The following ADK variants were observed in gnomAD, a reference collection of about 807,000 sequenced individuals.
ADK encodes the protein N6,N6-dimethyladenosine kinase.
Under a neutral mutation model 44.7 loss-of-function variants are expected in ADK, and 24 were observed. The ratio of observed to expected loss-of-function variants is 0.54; its 90% CI spans 0.39 to 0.76. ADK has a LOEUF of 0.76. Ranked by LOEUF, ADK falls within the 30% of genes least tolerant of loss-of-function variation. The pLI is 0.00. For synonymous variants in ADK, 128 were observed against 142.6 expected (o/e 0.90, Z 0.73); for missense variants, 321 against 425.1 (o/e 0.76, Z 2.15).
chr10:74,220,118 A>G (rs1844241902), intron 2 of ADK, among the ~76,000 whole-genome samples: 1 of 152,086 alleles, frequency 6.6e-6, no homozygotes, highest in Non-Finnish European at 1.5e-5. Flanking sequence ...TTGATAGACC[A>G]CTAGCAAGAC....
chr10:74,168,664 G>A (rs1394163985), intron 1 of ADK, among the ~76,000 whole-genome samples: 1 of 151,504 alleles, frequency 6.6e-6, no homozygotes, highest in Admixed American at 6.6e-5. Context: ...CCAGGCTGTA[G>A]TGCAGTGGCA....
chr10:74,575,558 C>G (rs535417591), intron 7 of ADK, among the ~76,000 whole-genome samples: 1 of 151,936 alleles, frequency 6.6e-6, no homozygotes, highest in South Asian at 2.1e-4. Flanking sequence ...CCTACATGTG[C>G]GAGGCAGCAT....
Position 74,314,626 on chromosome 10 carries a change from C to T in ADK, c.195-41C>T, listed in dbSNP as rs561133949. ...GAAAAGTTTACTTTGTTGCAACTCACAGAAGGTAACTTACTTTTTTCTACT... is the reference window on the plus strand; with the variant it reads ...GAAAAGTTTACTTTGTTGCAACTCATAGAAGGTAACTTACTTTTTTCTACT... On this transcript the variant is annotated intron_variant, in intron 3 of 10. Coordinates refer to ENST00000539909, the MANE Select transcript of ADK (RefSeq NM_006721.4). 675 of 1,397,344 alleles carry T rather than the reference C, an allele frequency of 4.8e-4. 7 individuals are homozygous for T. In the South Asian group the frequency reaches 7.5e-3, roughly 16 times the overall value. 86.6% of individuals were successfully genotyped at this position (1,397,344 alleles called of 1,614,324 possible).
intron 4 of ADK, among the ~76,000 whole-genome samples, chr10:74,364,633 T>TA (rs1842440390): frequency 6.6e-6 from 1 of 151,784 alleles, no homozygotes; most frequent in South Asian, 2.1e-4. Flanking sequence ...TTCCTACTCT[T>TA]ACAGCTCTTC....
intron 6 of ADK, among the ~76,000 whole-genome samples, chr10:74,410,636 G>A (rs909947742): frequency 3.9e-5 from 6 of 152,028 alleles, no homozygotes; most frequent in African/African-American, 9.7e-5. Flanking sequence ...AGCCAAGATC[G>A]CGCCACTACA....
intron 6 of ADK, among the ~76,000 whole-genome samples, chr10:74,404,300 A>T (rs1407755974): frequency 6.6e-6 from 1 of 152,078 alleles, no homozygotes; most frequent in African/African-American, 2.4e-5. Context: ...AAATTGTCAA[A>T]TATATATTTT....
At chr10:74,493,424 G>T (rs1847560033) in intron 6 of ADK, among the ~76,000 whole-genome samples, 1 of 147,232 alleles carries the variant, frequency 6.8e-6, no homozygotes, top group South Asian at 2.1e-4. Flanking sequence ...TACATATATA[G>T]ACCTCATCTA....
At chr10:74,392,753 TA>T (rs1843379591) in intron 4 of ADK, among the ~76,000 whole-genome samples, 1 of 48,060 alleles carries the variant, frequency 2.1e-5, no homozygotes. Flanking sequence ...GAAAATAATA[TA>T]TATTATTAAG....
At chr10:74,513,596 A>G (rs920262762) in intron 6 of ADK, among the ~76,000 whole-genome samples, 3 of 152,062 alleles carry the variant, frequency 2.0e-5, no homozygotes, top group African/African-American at 7.2e-5. Flanking sequence ...TATTTTTTCC[A>G]TCCACTTCCA....
rs556000380 is a variant in ADK at position 74,238,763 on chromosome 10, G to GAAAA, written c.194+14175_194+14176insAAAA. Among the ~76,000 whole-genome samples the GAAAA allele has an allele frequency of 2.4e-3, 319 of 134,218 alleles. 5 individuals are homozygous for GAAAA. Among genetic ancestry groups the GAAAA allele is most frequent in the Admixed American group, 0.023 (314 of 13,514 alleles). 88.1% of individuals were successfully genotyped at this position (134,218 alleles called of 152,430 possible). A position where few individuals can be genotyped will look rare whatever the true frequency, so the allele number is the denominator to read the frequency against. ...CAACCCAGCAGGGCACCTTTAAAAA[G>GAAAA]AAACAAACAAAATTACTGTCTCTAA... On this transcript the variant is annotated intron_variant, in intron 3 of 10. Coordinates refer to ENST00000539909, the MANE Select transcript of ADK (RefSeq NM_006721.4).
At chr10:74,284,250 A>G (rs557369369) in intron 3 of ADK, among the ~76,000 whole-genome samples, 9 of 148,114 alleles carry the variant, frequency 6.1e-5, no homozygotes, top group Admixed American at 4.1e-4. Flanking sequence ...ATGAGCCACC[A>G]CGCCTGGCAA....
chr10:74,490,498 C>T (rs951884505), intron 6 of ADK, among the ~76,000 whole-genome samples: 1 of 152,068 alleles, frequency 6.6e-6, no homozygotes. Flanking sequence ...TACTGTATCA[C>T]TTTTTAGTAT....
intron 3 of ADK, among the ~76,000 whole-genome samples, chr10:74,282,892 C>T (rs1847000870): frequency 6.6e-6 from 1 of 151,992 alleles, no homozygotes; most frequent in Non-Finnish European, 1.5e-5. Flanking sequence ...ATGTATTTTT[C>T]CTGCCATAAG....
intron 9 of ADK, chr10:74,641,554 T>C (rs1853843026): frequency 6.6e-6 from 1 of 152,202 alleles, no homozygotes; most frequent in South Asian, 2.1e-4. Flanking sequence ...AGGCTTCAGC[T>C]AGTATAGTTT....
At chr10:74,324,269 A>C (rs1012853245) in intron 4 of ADK, among the ~76,000 whole-genome samples, 1 of 151,786 alleles carries the variant, frequency 6.6e-6, no homozygotes, top group Non-Finnish European at 1.5e-5. Flanking sequence ...ACCTCAAGCA[A>C]CCCTCCTGCC....
intron 6 of ADK, among the ~76,000 whole-genome samples, chr10:74,425,096 G>C (rs868278634): frequency 1.3e-5 from 2 of 152,156 alleles, no homozygotes; most frequent in Middle Eastern, 3.2e-3. Flanking sequence ...CTGAGATGAA[G>C]ATACGTTTCC....
chr10:74,367,412 A>G (rs531272455), intron 4 of ADK, among the ~76,000 whole-genome samples: 1 of 152,240 alleles, frequency 6.6e-6, no homozygotes, highest in African/African-American at 2.4e-5. Context: ...TTTAACATGA[A>G]TTTTTCTGAG....
At chr10:74,216,392 GT>G (rs1844020978) in intron 2 of ADK, among the ~76,000 whole-genome samples, 1 of 151,936 alleles carries the variant, frequency 6.6e-6, no homozygotes, top group Middle Eastern at 3.4e-3. Flanking sequence ...CCTTCAAAAT[GT>G]TGCTTCTCTG....
chr10:74,294,934 C>T (rs1227603457), intron 3 of ADK, among the ~76,000 whole-genome samples: 1 of 152,090 alleles, frequency 6.6e-6, no homozygotes, highest in Non-Finnish European at 1.5e-5. Flanking sequence ...CGGCTCACTG[C>T]AGCCTCCGCC....
Sources: allele counts gnomAD v4.1 joint callset (sites outside exome capture counted in the v4.1 genomes callset), GRCh38; gene constraint gnomAD v4.1.1; transcripts MANE v1.5; gene names NCBI Gene and HGNC (gene_info 2026-07-23, HGNC 2026-07-21).